HECTD4: variants seen among roughly 807,000 people sequenced by gnomAD.
HECTD4 encodes the protein probable E3 ubiquitin-protein ligase HECTD4.
HECTD4 carries 114 observed loss-of-function variants against 471.5 expected under a neutral mutation model. That is an observed-to-expected ratio of 0.24 (90% CI 0.21 to 0.28). The LOEUF (loss-of-function observed/expected upper bound fraction) is 0.28. Ranked by LOEUF, HECTD4 falls within the 10% of genes least tolerant of loss-of-function variation. HECTD4 has a pLI of 1.00. For synonymous variants in HECTD4, 2,012 were observed against 2,256.0 expected (o/e 0.89, Z 3.07); for missense variants, 3,866 against 5,651.5 (o/e 0.68, Z 10.13).
intron 1 of HECTD4, among the ~76,000 whole-genome samples, chr12:112,372,000 T>C (rs2036685793): frequency 6.6e-6 from 1 of 152,096 alleles, no homozygotes; most frequent in African/African-American, 2.4e-5. Flanking sequence ...TGGGATAGTT[T>C]TGCTTTCAAA....
chr12:112,281,183 G>A (rs535365681), intron 8 of HECTD4, among the ~76,000 whole-genome samples: 3 of 151,834 alleles, frequency 2.0e-5, no homozygotes, highest in South Asian at 2.1e-4. Context: ...GCAACATCAC[G>A]TTAAAGAATC....
In HECTD4 at chr12:112,176,589, C is replaced by T; in HGVS notation, c.11470+7G>A. On this transcript the variant is annotated splice_region_variant and intron_variant, in intron 65 of 75. Coordinates refer to ENST00000682272, the MANE Select transcript of HECTD4 (RefSeq NM_001388303.1). ...CAGCCCACTCCAGGCCCCGTCTGCT[C>T]ATTCACCTTCTTGTTTTTTGGTAGG... 6.2e-7 allele frequency: 1 copy of T among 1,600,302 alleles called. No homozygotes were observed. The highest frequency in any genetic ancestry group is 8.6e-7 in the Non-Finnish European group (1 of 1,167,320).
Position 112,293,548 on chromosome 12 carries a change from A to AATCAATCG in HECTD4, c.1336-10247_1336-10246insCGATTGAT, listed in dbSNP as rs952629648. 7.9e-5 allele frequency among the ~76,000 whole-genome samples: 12 copies of AATCAATCG among 152,102 alleles called. No individual in the cohort carries two copies. In the South Asian group the frequency reaches 2.3e-3, roughly 29 times the overall value. On this transcript the variant is annotated intron_variant, in intron 7 of 75. Transcript: ENST00000682272. ...CAGAAAAAGATTCCATCTCAAAATC[A>AATCAATCG]ATCAATCAATCAATCAATCTTGCTT... is the stretch of plus-strand genomic sequence containing the variant.
intron 72 of HECTD4, among the ~76,000 whole-genome samples, chr12:112,165,934 T>G (rs535905823): frequency 6.6e-6 from 1 of 152,186 alleles, no homozygotes; most frequent in African/African-American, 2.4e-5. Context: ...GTCTCCTTAG[T>G]AGCAACCTCC....
At chr12:112,220,544 C>T (rs183637735) in intron 44 of HECTD4, among the ~76,000 whole-genome samples, 1 of 152,226 alleles carries the variant, frequency 6.6e-6, no homozygotes, top group African/African-American at 2.4e-5. Flanking sequence ...TGCCTGTAAT[C>T]CCAGCACTTT....
Position 112,213,904 on chromosome 12 carries a change from C to T in HECTD4, c.7466-1254G>A, listed in dbSNP as rs1206621312. On this transcript the variant is annotated intron_variant, in intron 48 of 75. Transcript: ENST00000682272. The surrounding 1 kb of genome is among the most constrained non-coding windows in gnomAD (Gnocchi z 4.0). ...AGGCATGGTAGTGTGTGCCTATGGT[C>T]CCAGTTACTCAGGAGGCTGAGATGG... Among the ~76,000 whole-genome samples, 1 of 151,300 alleles carries T rather than the reference C, an allele frequency of 6.6e-6. No homozygotes were observed. The highest frequency in any genetic ancestry group is 1.5e-5 in the Non-Finnish European group (1 of 67,890).
At chr12:112,344,241 C>T (rs1335240300) in intron 1 of HECTD4, among the ~76,000 whole-genome samples, 1 of 152,120 alleles carries the variant, frequency 6.6e-6, no homozygotes, top group Non-Finnish European at 1.5e-5. Flanking sequence ...TATTTCCAAC[C>T]CTTAATGGCT....
Position 112,204,474 on chromosome 12 carries a change from G to A in HECTD4, c.8269+12C>T. 6.2e-7 allele frequency: 1 copy of A among 1,609,056 alleles called. No homozygotes were observed. The highest frequency in any genetic ancestry group is 8.5e-7 in the Non-Finnish European group (1 of 1,177,800). ...GGAAATTTCATAGGTCGAGTAAGGA[G>A]GAAAGCAAAACCTTTTCGAACTTTA... On this transcript the variant is annotated intron_variant, in intron 53 of 75. Transcript: ENST00000682272.
At chr12:112,289,336 A>G (rs984831167) in intron 7 of HECTD4, among the ~76,000 whole-genome samples, 1 of 152,202 alleles carries the variant, frequency 6.6e-6, no homozygotes, top group Non-Finnish European at 1.5e-5. Context: ...ATATTTCTAT[A>G]GTCTGCCTTT....
chr12:112,240,385 T>C (rs183060380), intron 32 of HECTD4, among the ~76,000 whole-genome samples: 80 of 152,298 alleles, frequency 5.3e-4, no homozygotes, highest in African/African-American at 1.8e-3. Flanking sequence ...AAACCAGTTA[T>C]TTCAGACATG....
rs2036908507 is a variant in HECTD4 at position 112,382,195 on chromosome 12, C to T, written c.-67G>A. On this transcript the variant is annotated 5_prime_UTR_variant, in exon 1 of 76. Transcript: ENST00000682272. ...CCGGGGGAAACGGAGCAGGAGCCGC[C>T]GCGATCACCAGTCCATGGCAGCGGC... The T allele has an allele frequency of 1.7e-6, 2 of 1,175,808 alleles. No homozygotes were observed. Among genetic ancestry groups the T allele is most frequent in the East Asian group, 3.4e-5 (1 of 29,664 alleles). The allele number at this position is 1,175,808 out of a possible 1,614,324, so 72.8% of individuals were successfully genotyped here.
At chr12:112,205,729 T>A (rs1191975601) in intron 52 of HECTD4, among the ~76,000 whole-genome samples, 1 of 151,950 alleles carries the variant, frequency 6.6e-6, no homozygotes, top group Non-Finnish European at 1.5e-5. Flanking sequence ...TAGTTGGGAT[T>A]ACAGGCGCGC....
chr12:112,207,079 G>GA (rs958350256), intron 52 of HECTD4, among the ~76,000 whole-genome samples: 9 of 151,722 alleles, frequency 5.9e-5, no homozygotes, highest in Non-Finnish European at 1.5e-5. Flanking sequence ...GTGGGTATGA[G>GA]AAAAAAAATA....
intron 23 of HECTD4, among the ~76,000 whole-genome samples, chr12:112,251,731 G>C (rs930310111): frequency 6.6e-6 from 1 of 152,320 alleles, no homozygotes; most frequent in Admixed American, 6.5e-5. Context: ...GGCAACTGGA[G>C]GGGTAAGTAG....
rs370522257 is a variant in HECTD4, at chr12:112,248,377, T to C, written c.4086A>G (p.Leu1362=). ...QEEHAEEYDL[L]CKIMGETFKK... The stretch of plus-strand genomic sequence containing the variant: ...TAAAGGTCTCTCCCATAATTTTACA[T>C]AATAAATCATATTCTTCAGCATGTT... The change falls in exon 26 of 76, where the codon TTA becomes TTG. Residue 1362 remains leucine, a synonymous_variant. Coordinates refer to ENST00000682272, the MANE Select transcript of HECTD4 (RefSeq NM_001388303.1). 4.9e-5 allele frequency: 79 copies of C among 1,610,864 alleles called. No homozygotes were observed. Among genetic ancestry groups the C allele is most frequent in the Non-Finnish European group, 6.3e-5 (74 of 1,178,110 alleles).
intron 1 of HECTD4, among the ~76,000 whole-genome samples, chr12:112,323,705 G>T (rs989000387): frequency 4.6e-5 from 7 of 151,738 alleles, no homozygotes; most frequent in Admixed American, 6.6e-5. Context: ...AGTTTTTTTG[G>T]GGGGGTTGAA....
intron 9 of HECTD4, among the ~76,000 whole-genome samples, chr12:112,275,610 C>G (rs1416504191): frequency 6.6e-6 from 1 of 151,062 alleles, no homozygotes; most frequent in Non-Finnish European, 1.5e-5. Flanking sequence ...TGTCAAGGAT[C>G]CACACCAGCA....
At chr12:112,309,482 C>A (rs2035332178) in intron 5 of HECTD4, 79 bp downstream of exon 5, 8 of 661,510 alleles carry the variant, frequency 1.2e-5, no homozygotes, top group Non-Finnish European at 1.8e-5. Context: ...TGGAATCTAC[C>A]CACAGTGTCT....
chr12:112,279,239 G>T lies in HECTD4; in HGVS notation c.1676C>A (p.Ser559Ter). 1.9e-6 allele frequency: 3 copies of T among 1,607,316 alleles called. No homozygotes were observed. The South Asian group carries it at 3.4e-5, about 18-fold the overall frequency. ...TAAAATTCACTTACTTTTTAAAGAT[G>T]ACAAACCACTTGTTCCACCAAAAAG... ...RSLFGGTSGLSSLKILASSLV... is the reference protein window; with the variant it reads ...RSLFGGTSGL The change falls in exon 9 of 76, where the codon TCA (serine) becomes TAA (stop). Residue 559 changes from serine (S) to a stop codon, truncating the protein, a stop_gained. Coordinates refer to ENST00000682272, the MANE Select transcript of HECTD4 (RefSeq NM_001388303.1). LOFTEE classifies it high-confidence loss of function.
Sources: gnomAD v4.1 joint callset for allele counts (sites outside exome capture counted in the v4.1 genomes callset) on GRCh38, gnomAD v4.1.1 for gene constraint, Gnocchi (gnomAD v3.1) non-coding constraint, MANE v1.5 for transcripts, NCBI Gene and HGNC (gene_info 2026-07-23, HGNC 2026-07-21) for gene names.